The following COL4A4 variants were observed in gnomAD, a reference collection of about 807,000 sequenced individuals.
COL4A4 encodes collagen alpha-4(IV) chain.
Under a neutral mutation model 192.9 loss-of-function variants are expected in COL4A4, and 105 were observed. The ratio of observed to expected loss-of-function variants is 0.54; its 90% CI spans 0.46 to 0.64. COL4A4 has a LOEUF of 0.64. COL4A4 is among the 30% of genes least tolerant of loss of function. The probability of loss-of-function intolerance (pLI) is 0.00; values close to 1 mark genes in which losing one functional copy is unlikely to be tolerated. For synonymous variants in COL4A4, 762 were observed against 769.9 expected (o/e 0.99, Z 0.17); for missense variants, 1,967 against 2,169.3 (o/e 0.91, Z 1.85).
At chr2:227,073,907 G>C (rs2058867031) in intron 25 of COL4A4, among the ~76,000 whole-genome samples, 1 of 152,024 alleles carries the variant, frequency 6.6e-6, no homozygotes, top group Admixed American at 6.6e-5. Flanking sequence ...ACTGAAGATG[G>C]TTCAAAGACT....
intron 8 of COL4A4, among the ~76,000 whole-genome samples, chr2:227,114,160 C>T (rs1191404686): frequency 1.3e-5 from 2 of 152,188 alleles, no homozygotes; most frequent in African/African-American, 2.4e-5. Flanking sequence ...GTTTTAATTA[C>T]AAATAAATCA....
At chr2:226,990,658 G>T in the COL4A4 span, among the ~76,000 whole-genome samples, 2 of 152,092 alleles carry the variant, frequency 1.3e-5, no homozygotes, top group African/African-American at 2.4e-5. Context: ...AAATGCAGAG[G>T]CTACTGCATT....
chr2:227,028,644 TTTATTATTA>T (rs56914189), intron 41 of COL4A4, among the ~76,000 whole-genome samples: 50,547 of 141,732 alleles, frequency 0.36, 9,200 homozygotes, highest in South Asian at 0.52. Context: ...ATAAAAGAAA[TTTATTATTA>T]TTATTATTAT....
chr2:227,114,559 G>A (rs770759060), intron 8 of COL4A4, 69 bp downstream of exon 8: 2 of 1,195,684 alleles, frequency 1.7e-6, no homozygotes, highest in Non-Finnish European at 2.5e-6. Context: ...TCCTGTCTGA[G>A]TATTTCCTGC....
the COL4A4 span, among the ~76,000 whole-genome samples, chr2:226,990,523 A>G: frequency 2.8e-4 from 42 of 152,342 alleles, no homozygotes; most frequent in African/African-American, 1.0e-3. Flanking sequence ...GGATCTATGA[A>G]TAGCAGCAAA....
rs1393387738 is a variant in COL4A4 at position 227,088,707 on chromosome 2, A to C, written c.1569T>G (p.Leu523=). ...GAGGTCCTGGGTCACCTTTTGTTCC[A>C]AGCCAGCCAGGGAGCCCCAAGTCTC... ...SKGDLGLPGW[L]GTKGDPGPPG... is the part of the protein sequence containing the mutation. Residue 523 remains leucine (L), a synonymous_variant, in exon 22 of 48, where the codon CTT becomes CTG. Transcript: ENST00000396625. 3 of 1,614,140 alleles carry C rather than the reference A, an allele frequency of 1.9e-6. No homozygotes were observed. The highest frequency in any genetic ancestry group is 1.7e-6 in the Non-Finnish European group (2 of 1,180,016).
chr2:227,138,524 T>A (rs1344307346), intron 4 of COL4A4, among the ~76,000 whole-genome samples: 2 of 151,180 alleles, frequency 1.3e-5, no homozygotes, highest in Non-Finnish European at 2.9e-5. Context: ...TCCCAGCTAC[T>A]GAGGAGGCTG....
rs773140858 is a variant in COL4A4 at position 227,098,709 on chromosome 2, C to T, written c.1189G>A (p.Gly397Arg). 1 of 1,614,042 alleles carries T rather than the reference C, an allele frequency of 6.2e-7. No individual in the cohort carries two copies. Among genetic ancestry groups the T allele is most frequent in the East Asian group, 2.2e-5 (1 of 44,874 alleles). Residue 397 changes from glycine (G) to arginine (R), a missense_variant, in exon 19 of 48, where the codon GGG becomes AGG. Physicochemically the swap from Gly to Arg is moderately radical, Grantham distance 125 (BLOSUM62 -2). Transcript: ENST00000396625. ...GCATCCGTACCTGCACAGGCTTCCC[C>T]TGGTCTGCCCAAGAGACCTGGGGGA... Reference protein sequence around the residue: ...PGPPGLLGRPGEACAGMIGPP... With the variant: ...PGPPGLLGRPREACAGMIGPP...
At chr2:227,061,809 A>C (rs1414589672) in intron 26 of COL4A4, among the ~76,000 whole-genome samples, 3 of 152,234 alleles carry the variant, frequency 2.0e-5, no homozygotes, top group Non-Finnish European at 4.4e-5. Flanking sequence ...ATGTGCAAAC[A>C]AGGACAGAGA....
chr2:227,025,890 G>A, intron 42 of COL4A4, 80 bp from the exon 43 acceptor site: 1 of 1,309,228 alleles, frequency 7.6e-7, no homozygotes, highest in Non-Finnish European at 1.1e-6. Flanking sequence ...TTGTGGATTA[G>A]GACAAAAATG....
intron 32 of COL4A4, 58 bp from the exon 33 acceptor site, chr2:227,051,216 A>T (rs1318365732): frequency 6.4e-7 from 1 of 1,555,288 alleles, no homozygotes; most frequent in Non-Finnish European, 8.9e-7. Context: ...GGTAATAGTT[A>T]AGCTGAGGGA....
chr2:227,159,968 C>T (rs1050122146), intron 1 of COL4A4, among the ~76,000 whole-genome samples: 15 of 152,256 alleles, frequency 9.9e-5, no homozygotes, highest in Admixed American at 8.5e-4. Context: ...TAATAAAGTT[C>T]TGGACAAAGG....
At chr2:227,035,636 T>G (rs1032832052) in intron 37 of COL4A4, among the ~76,000 whole-genome samples, 3 of 152,216 alleles carry the variant, frequency 2.0e-5, no homozygotes, top group African/African-American at 7.2e-5. Flanking sequence ...TCTTTCCTAT[T>G]TTATGAGCCA....
intron 1 of COL4A4, among the ~76,000 whole-genome samples, chr2:227,155,550 A>G (rs552089460): frequency 6.6e-5 from 10 of 152,014 alleles, no homozygotes; most frequent in Non-Finnish European, 1.5e-4. Flanking sequence ...TTGCTTTATG[A>G]TTTTCCCCAT....
At chr2:227,108,651 T>C (rs753524879) in intron 11 of COL4A4, 29 bp from the exon 12 acceptor site, 2 of 1,612,772 alleles carry the variant, frequency 1.2e-6, no homozygotes, top group Non-Finnish European at 1.7e-6. Flanking sequence ...AGAATCTAAT[T>C]GCTTTTGAAT....
intron 22 of COL4A4, among the ~76,000 whole-genome samples, chr2:227,087,256 G>A (rs140297617): frequency 5.3e-5 from 8 of 152,308 alleles, no homozygotes; most frequent in East Asian, 1.9e-4. Flanking sequence ...ATGATATCAC[G>A]TAAACTCTGA....
At chr2:227,085,166 C>T (rs760893341) in intron 22 of COL4A4, among the ~76,000 whole-genome samples, 3 of 147,162 alleles carry the variant, frequency 2.0e-5, no homozygotes, top group African/African-American at 7.5e-5. Flanking sequence ...ACAAAAAAAA[C>T]ACTTCCTCTC....
chr2:227,153,568 C>T (rs1229167665), intron 1 of COL4A4, among the ~76,000 whole-genome samples: 1 of 152,080 alleles, frequency 6.6e-6, no homozygotes, highest in African/African-American at 2.4e-5. Flanking sequence ...GGCTGAGTGA[C>T]AGAGAACTGA....
intron 25 of COL4A4, among the ~76,000 whole-genome samples, chr2:227,070,081 A>G (rs1336252460): frequency 2.6e-5 from 4 of 152,114 alleles, no homozygotes; most frequent in African/African-American, 4.8e-5. Context: ...ACACTTCTCA[A>G]AAGAAGACAT....
Sources: allele counts gnomAD v4.1 joint callset (sites outside exome capture counted in the v4.1 genomes callset), GRCh38; gene constraint gnomAD v4.1.1; transcripts MANE v1.5; gene names NCBI Gene and HGNC (gene_info 2026-07-23, HGNC 2026-07-21).